Variants in FAXDC2 observed in about 807,000 individuals in gnomAD.
The protein encoded by FAXDC2 is fatty acid hydroxylase domain containing 2.
A neutral mutation model predicts 40.9 loss-of-function variants in FAXDC2; 41 were observed. That is an observed-to-expected ratio of 1.00 (90% confidence interval 0.78 to 1.30). The LOEUF is 1.30. Ranked by LOEUF, FAXDC2 falls within the 50% of genes most tolerant of loss-of-function variation. FAXDC2 has a pLI of 0.00. For synonymous variants in FAXDC2, 157 were observed against 149.3 expected, an observed-to-expected ratio of 1.05 and a Z score of -0.38; for missense variants, 390 against 408.8, an observed-to-expected ratio of 0.95 and a Z score of 0.40.
chr5:154,820,326 C>A lies in FAXDC2; in HGVS notation c.992G>T (p.Arg331Met). 1 of 1,609,372 alleles carries A rather than the reference C, an allele frequency of 6.2e-7. No homozygotes were observed. Among genetic ancestry groups the A allele is most frequent in the Non-Finnish European group, 8.5e-7 (1 of 1,177,692 alleles). Reference protein sequence around the residue: ...LSESIPDSPKRME With the variant: ...LSESIPDSPKMME ...CACTTAGGCTGTCTCTCACTCCATC[C>A]TCTTTGGGGAGTCTGGGATGCTCTC... The change falls in exon 9 of 9, where the codon AGG becomes ATG. Residue 331 changes from arginine to methionine, a missense_variant. Arg to Met is a moderately conservative substitution (Grantham distance 91). Coordinates refer to ENST00000326080, the MANE Select transcript of FAXDC2 (RefSeq NM_032385.5).
intron 1 of FAXDC2, chr5:154,838,504 G>T: frequency 3.3e-6 from 1 of 299,890 alleles, no homozygotes; most frequent in Admixed American, 5.2e-5. Flanking sequence ...TCAAACTCCT[G>T]TCTTCATTTC....
intron 4 of FAXDC2, among the ~76,000 whole-genome samples, chr5:154,833,113 T>C (rs1760234035): frequency 6.6e-6 from 1 of 152,008 alleles, no homozygotes; most frequent in Non-Finnish European, 1.5e-5. Flanking sequence ...CTCAGCTCAC[T>C]GCAACCTCCA....
chr5:154,833,350 GTT>G (rs750032741), intron 4 of FAXDC2, among the ~76,000 whole-genome samples: 3 of 125,864 alleles, frequency 2.4e-5, no homozygotes, highest in African/African-American at 2.9e-5. Context: ...CTTAATTTTT[GTT>G]TTTTTTTTTT....
intron 4 of FAXDC2, among the ~76,000 whole-genome samples, 197 bp downstream of exon 4, chr5:154,834,428 C>G (rs1760267319): frequency 1.3e-5 from 2 of 152,272 alleles, no homozygotes; most frequent in South Asian, 4.1e-4. Context: ...AACTTCTCAG[C>G]TTCTTTTTTT....
intron 4 of FAXDC2, among the ~76,000 whole-genome samples, chr5:154,831,538 C>T (rs1030908306): frequency 2.0e-5 from 3 of 152,098 alleles, no homozygotes; most frequent in Non-Finnish European, 4.4e-5. Context: ...TAGCCTCGAC[C>T]TGCCAAGCCG....
chr5:154,842,483 C>T (rs1176731874), intron 1 of FAXDC2, among the ~76,000 whole-genome samples: 22 of 135,450 alleles, frequency 1.6e-4, no homozygotes, highest in Admixed American at 7.2e-4. Flanking sequence ...GGATTACAGG[C>T]GTGAGCCACT....
At chr5:154,828,857 T>G (rs1252721003) in intron 5 of FAXDC2, among the ~76,000 whole-genome samples, 1 of 151,274 alleles carries the variant, frequency 6.6e-6, no homozygotes, top group African/African-American at 2.4e-5. Flanking sequence ...TGTCTCTGCC[T>G]CCCAAAGTGC....
intron 1 of FAXDC2, among the ~76,000 whole-genome samples, chr5:154,844,113 G>C (rs891589720): frequency 1.3e-4 from 20 of 152,046 alleles, no homozygotes; most frequent in African/African-American, 3.6e-4. Context: ...CAGCTACCAG[G>C]AGGCTGAGAC....
chr5:154,832,553 A>G (rs1290939481), intron 4 of FAXDC2, among the ~76,000 whole-genome samples: 1 of 152,210 alleles, frequency 6.6e-6, no homozygotes, highest in Non-Finnish European at 1.5e-5. Flanking sequence ...TTTGGAAAAA[A>G]AAGGCTGATG....
At chr5:154,830,614 A>G (rs1760164084) in intron 5 of FAXDC2, 187 bp downstream of exon 5, 1 of 563,842 alleles carries the variant, frequency 1.8e-6, no homozygotes, top group East Asian at 3.2e-5. Flanking sequence ...ACTGGCCACT[A>G]GCTGAGTGAC....
At chr5:154,849,005 C>A (rs1435141876) in intron 1 of FAXDC2, among the ~76,000 whole-genome samples, 1 of 144,594 alleles carries the variant, frequency 6.9e-6, no homozygotes, top group Non-Finnish European at 1.5e-5. Flanking sequence ...TGCGGCTGGG[C>A]ACGTTGGCTT....
intron 8 of FAXDC2, 191 bp from the exon 9 acceptor site, chr5:154,820,663 C>T (rs1298208334): frequency 4.1e-6 from 2 of 493,318 alleles, no homozygotes; most frequent in Non-Finnish European, 7.4e-6. Flanking sequence ...TCCAAACCTG[C>T]AATTTGCCGT....
Position 154,830,798 on chromosome 5 carries a change from T to TA in FAXDC2, c.366+2dup. On this transcript the variant is annotated splice_region_variant and intron_variant, in intron 5 of 8. Transcript: ENST00000326080. ...TTTGACCAGAAGTTGCAACAACACT[T>TA]ACAGGTTCATTCTTGCCGACCTGAA... 6.2e-7 allele frequency: 1 copy of TA among 1,614,028 alleles called. No individual in the cohort carries two copies. The highest frequency in any genetic ancestry group is 1.1e-5 in the South Asian group (1 of 91,072).
chr5:154,828,598 T>G (rs79439977), intron 5 of FAXDC2, among the ~76,000 whole-genome samples: 59 of 146,022 alleles, frequency 4.0e-4, no homozygotes, highest in African/African-American at 1.1e-3. Context: ...TAGTTTTTTG[T>G]TTTTTTTTTC....
chr5:154,838,182 G>T lies in FAXDC2; in HGVS notation c.1-4C>A. ...TATGTCCAGCTTCTCCTTTCATCTG[G>T]AATGAGAAAGCACAGGCGAGCCGGG... On this transcript the variant is annotated splice_polypyrimidine_tract_variant and splice_region_variant and intron_variant, in intron 1 of 8. Transcript: ENST00000326080. 1.2e-6 allele frequency: 2 copies of T among 1,613,254 alleles called. No homozygotes were observed. Among genetic ancestry groups the T allele is most frequent in the Non-Finnish European group, 1.7e-6 (2 of 1,179,708 alleles).
intron 7 of FAXDC2, chr5:154,821,874 G>A (rs181631980): frequency 1.2e-5 from 2 of 160,276 alleles, no homozygotes; most frequent in East Asian, 1.9e-4. Context: ...GGTAGATCAC[G>A]AGGTCAGGAG....
chr5:154,834,501 G>C, intron 4 of FAXDC2, 124 bp downstream of exon 4: 1 of 707,980 alleles, frequency 1.4e-6, no homozygotes, highest in Non-Finnish European at 2.4e-6. Context: ...CTTTTTTGAA[G>C]TTCAAGTCCT....
intron 1 of FAXDC2, among the ~76,000 whole-genome samples, chr5:154,842,506 T>C (rs1192785380): frequency 7.1e-6 from 1 of 140,688 alleles, no homozygotes; most frequent in East Asian, 2.0e-4. Context: ...GCTCAGCCCT[T>C]TGTGTGTTTT....
intron 5 of FAXDC2, among the ~76,000 whole-genome samples, chr5:154,828,024 A>T (rs561161238): frequency 2.0e-5 from 3 of 151,836 alleles, no homozygotes; most frequent in Non-Finnish European, 2.9e-5. Context: ...TAGTTAAAAA[A>T]TTTTTTGTAG....
Sources: gnomAD v4.1 joint callset for allele counts (sites outside exome capture counted in the v4.1 genomes callset) on GRCh38, gnomAD v4.1.1 for gene constraint, MANE v1.5 for transcripts, NCBI Gene and HGNC (gene_info 2026-07-23, HGNC 2026-07-21) for gene names.